BCAS1: variants seen among roughly 807,000 people sequenced by gnomAD.
BCAS1 encodes the protein breast carcinoma-amplified sequence 1.
In BCAS1, 46 loss-of-function variants were observed where a neutral mutation model predicts 65.4. That is an observed-to-expected ratio of 0.70 (90% CI 0.55 to 0.90). The LOEUF (loss-of-function observed/expected upper bound fraction) is 0.90. Ranked by LOEUF, BCAS1 falls within the 40% of genes least tolerant of loss-of-function variation. The pLI, the probability that BCAS1 is intolerant of heterozygous loss-of-function variation, is 0.00. For missense variants in BCAS1, 793 were observed against 771.2 expected (o/e 1.03, Z -0.33); for synonymous variants, 298 against 293.5 (o/e 1.02, Z -0.16).
chr20:54,006,312 C>G (rs996037619), intron 4 of BCAS1, among the ~76,000 whole-genome samples: 1 of 152,310 alleles, frequency 6.6e-6, no homozygotes, highest in Non-Finnish European at 1.5e-5. Context: ...AAAAGCAAGT[C>G]CCCCTTCTTC....
At chr20:53,969,419 T>C (rs2090123375) in intron 9 of BCAS1, among the ~76,000 whole-genome samples, 1 of 152,190 alleles carries the variant, frequency 6.6e-6, no homozygotes, top group Non-Finnish European at 1.5e-5. Flanking sequence ...ACCGGGTGTT[T>C]AATATTTTTT....
chr20:53,977,307 C>G (rs1226234839), intron 8 of BCAS1, among the ~76,000 whole-genome samples: 1 of 152,188 alleles, frequency 6.6e-6, no homozygotes, highest in African/African-American at 2.4e-5. Context: ...TTTCTTGAAA[C>G]TGCACCCCTT....
At chr20:54,054,885 CAT>C (rs544284765) in intron 3 of BCAS1, among the ~76,000 whole-genome samples, 4 of 152,160 alleles carry the variant, frequency 2.6e-5, no homozygotes, top group African/African-American at 4.8e-5. Context: ...ATGAAATATG[CAT>C]ATATATATGT....
chr20:53,962,504 G>A (rs927441263), intron 10 of BCAS1, among the ~76,000 whole-genome samples: 3 of 152,102 alleles, frequency 2.0e-5, no homozygotes, highest in Admixed American at 2.0e-4. Flanking sequence ...TAATATTGAC[G>A]AAGTATAAAA....
At chr20:54,025,694 A>G (rs1174020558) in intron 4 of BCAS1, among the ~76,000 whole-genome samples, 1 of 152,156 alleles carries the variant, frequency 6.6e-6, no homozygotes, top group Non-Finnish European at 1.5e-5. Context: ...GCTGAGCCCA[A>G]GGCATAATTC....
At chr20:54,026,760 T>C (rs1267234578) in intron 4 of BCAS1, among the ~76,000 whole-genome samples, 3 of 152,206 alleles carry the variant, frequency 2.0e-5, no homozygotes, top group African/African-American at 7.2e-5. Flanking sequence ...TTACCGCCTC[T>C]GGGCACGTAA....
At chr20:53,998,178 T>C (rs1254928834) in intron 4 of BCAS1, among the ~76,000 whole-genome samples, 1 of 152,166 alleles carries the variant, frequency 6.6e-6, no homozygotes, top group Admixed American at 6.5e-5. Flanking sequence ...CTTTCTCCTC[T>C]GGGGTTGGCA....
intron 10 of BCAS1, among the ~76,000 whole-genome samples, chr20:53,963,039 A>G (rs920496060): frequency 6.6e-6 from 1 of 151,422 alleles, no homozygotes; most frequent in Non-Finnish European, 1.5e-5. Context: ...TTTAGTAGAG[A>G]CAGGGTTTCA....
chr20:54,041,729 A>T (rs2081872561), intron 3 of BCAS1, among the ~76,000 whole-genome samples: 1 of 151,832 alleles, frequency 6.6e-6, no homozygotes, highest in African/African-American at 2.4e-5. Context: ...TAAAAAACAA[A>T]ACAAAACAAA....
At chr20:53,966,707 T>C (rs1467325453) in intron 10 of BCAS1, among the ~76,000 whole-genome samples, 199 bp downstream of exon 10, 3 of 152,184 alleles carry the variant, frequency 2.0e-5, no homozygotes, top group Non-Finnish European at 4.4e-5. Flanking sequence ...TTAAAGAATA[T>C]TAGCAATAAA....
At chr20:54,065,224 G>T (rs1243758262) in intron 1 of BCAS1, among the ~76,000 whole-genome samples, 1 of 150,366 alleles carries the variant, frequency 6.7e-6, no homozygotes, top group Non-Finnish European at 1.5e-5. Flanking sequence ...CAATGTTTAG[G>T]GTATTTTATT....
intron 9 of BCAS1, among the ~76,000 whole-genome samples, chr20:53,969,245 G>T (rs1337079660): frequency 6.6e-6 from 1 of 151,964 alleles, no homozygotes; most frequent in Non-Finnish European, 1.5e-5. Flanking sequence ...TACATGTCAA[G>T]TTCTTAGCAC....
chr20:53,981,777 A>G (rs1488146141), intron 8 of BCAS1, among the ~76,000 whole-genome samples: 1 of 151,786 alleles, frequency 6.6e-6, no homozygotes, highest in African/African-American at 2.4e-5. Flanking sequence ...TATTTTGAAG[A>G]TATTCCAAAT....
intron 8 of BCAS1, among the ~76,000 whole-genome samples, chr20:53,976,500 G>A (rs1487181422): frequency 6.6e-6 from 1 of 151,972 alleles, no homozygotes; most frequent in African/African-American, 2.4e-5. Context: ...TCTGCACTAG[G>A]CATCTTGCGT....
intron 4 of BCAS1, among the ~76,000 whole-genome samples, chr20:54,012,571 T>G (rs1347675720): frequency 6.6e-6 from 1 of 151,822 alleles, no homozygotes; most frequent in Non-Finnish European, 1.5e-5. Flanking sequence ...TAAATTCGCA[T>G]GTGGTTTTAA....
chr20:53,985,390 G>C lies in BCAS1; in HGVS notation c.1172C>G (p.Ser391Trp). ...AGKNSKGCNP[S>W]GHTQSVTTPE... ...GGTTGTCACGGACTGTGTGTGCCCC[G>C]ATGGGTTGCATCCTTTGGAATTCTT... The change falls in exon 8 of 13, where the codon TCG (serine) becomes TGG (tryptophan). Residue 391 changes from serine to tryptophan, a missense_variant. Coordinates refer to ENST00000688948, the MANE Select transcript of BCAS1 (RefSeq NM_001366298.2). The C allele has an allele frequency of 6.2e-7, 1 of 1,614,014 alleles. No individual in the cohort carries two copies.
chr20:53,945,886 G>A lies in BCAS1; in HGVS notation c.1816-890C>T, dbSNP rs540822131. Among the ~76,000 whole-genome samples the A allele has an allele frequency of 1.8e-4, 28 of 152,060 alleles. No individual in the cohort carries two copies. In the South Asian group the frequency reaches 2.3e-3, roughly 12 times the overall value. On this transcript the variant is annotated intron_variant, in intron 12 of 12. Transcript: ENST00000688948. ...TCCTGGGCTCAAATGATCCCCCCACGTCAGCCTCCCCAGTAGCTTGGACTA... is the reference window on the plus strand; with the variant it reads ...TCCTGGGCTCAAATGATCCCCCCACATCAGCCTCCCCAGTAGCTTGGACTA...
At chr20:54,056,222 A>AAT (rs760331387) in intron 3 of BCAS1, among the ~76,000 whole-genome samples, 24 of 152,056 alleles carry the variant, frequency 1.6e-4, no homozygotes, top group Middle Eastern at 3.4e-3. Context: ...GGATGTGTTG[A>AAT]ATATATATAT....
chr20:54,012,796 T>A (rs79979014), intron 4 of BCAS1, among the ~76,000 whole-genome samples: 111 of 152,318 alleles, frequency 7.3e-4, no homozygotes, highest in African/African-American at 2.5e-3. Context: ...ATTATACAGA[T>A]GAAGAAATTA....
Sources: gnomAD v4.1 joint callset for allele counts (sites outside exome capture counted in the v4.1 genomes callset) on GRCh38, gnomAD v4.1.1 for gene constraint, MANE v1.5 for transcripts, NCBI Gene and HGNC (gene_info 2026-07-23, HGNC 2026-07-21) for gene names.